DYNC2LI1: variants seen among roughly 807,000 people sequenced by gnomAD.
DYNC2LI1 encodes the protein dynein cytoplasmic 2 light intermediate chain 1, also known as cytoplasmic dynein 2 light intermediate chain 1.
A neutral mutation model predicts 51.9 loss-of-function variants in DYNC2LI1; 45 were observed. The ratio of observed to expected loss-of-function variants is 0.87; its 90% CI spans 0.68 to 1.11. The LOEUF (loss-of-function observed/expected upper bound fraction) is 1.11. Ranked by LOEUF, DYNC2LI1 falls within the 50% of genes most tolerant of loss-of-function variation. The pLI is 0.00. For missense variants in DYNC2LI1, 490 were observed against 417.4 expected (o/e 1.17, Z -1.51); for synonymous variants, 130 against 137.8 (o/e 0.94, Z 0.40).
Position 43,801,533 on chromosome 2 carries a change from G to A in DYNC2LI1, c.732-106G>A, listed in dbSNP as rs984032998. On this transcript the variant is annotated intron_variant, in intron 9 of 12. Coordinates refer to ENST00000260605, the MANE Select transcript of DYNC2LI1 (RefSeq NM_016008.4). ...CATTCGGGGCAATGCTCTCATTAGT[G>A]GCTAAATGTAAAACTAGCCGATAAT... 67 of 732,064 alleles carry A rather than the reference G, an allele frequency of 9.2e-5. 1 individual carries two copies. The Admixed American group carries it at 9.6e-4, about 10-fold the overall frequency. The allele number at this position is 732,064 out of a possible 1,614,324, so 45.3% of individuals were successfully genotyped here.
chr2:43,813,709 G>GGT (rs1666623066), downstream of DYNC2LI1, among the ~76,000 whole-genome samples: 3 of 34,064 alleles, frequency 8.8e-5, no homozygotes, highest in Non-Finnish European at 1.6e-4. Context: ...TTTTTTTTTC[G>GGT]TTTTTTTTTT....
At chr2:43,796,466 A>G (rs923239506) in intron 7 of DYNC2LI1, among the ~76,000 whole-genome samples, 1 of 152,226 alleles carries the variant, frequency 6.6e-6, no homozygotes, top group East Asian at 1.9e-4. Flanking sequence ...ATTCCACACT[A>G]TGAAATGTGT....
intron 6 of DYNC2LI1, chr2:43,794,934 C>A: frequency 7.6e-7 from 1 of 1,310,094 alleles, no homozygotes; most frequent in Non-Finnish European, 9.7e-7. Context: ...TTTATAATCT[C>A]TGTAAAAATG....
chr2:43,825,049 G>A, the DYNC2LI1 span: 1 of 1,611,400 alleles, frequency 6.2e-7, no homozygotes, highest in South Asian at 1.1e-5. Context: ...GTTAGTGTGT[G>A]ATCACAAGGG....
chr2:43,821,678 C>A, the DYNC2LI1 span, among the ~76,000 whole-genome samples: 7 of 152,140 alleles, frequency 4.6e-5, no homozygotes, highest in Non-Finnish European at 7.4e-5. Context: ...CCTCAGCTGG[C>A]CCCTGGACCC....
intron 1 of DYNC2LI1, among the ~76,000 whole-genome samples, chr2:43,775,369 C>T (rs1372326829): frequency 6.6e-6 from 1 of 152,252 alleles, no homozygotes; most frequent in African/African-American, 2.4e-5. Flanking sequence ...ATTCCATTTT[C>T]ACTTAGGCTT....
intron 3 of DYNC2LI1, among the ~76,000 whole-genome samples, chr2:43,784,578 G>A (rs1294622583): frequency 6.6e-6 from 1 of 152,040 alleles, no homozygotes; most frequent in Non-Finnish European, 1.5e-5. Flanking sequence ...GGGATTACAG[G>A]CATGTGCCAC....
the DYNC2LI1 span, among the ~76,000 whole-genome samples, chr2:43,822,041 T>C: frequency 1.3e-5 from 2 of 152,166 alleles, no homozygotes; most frequent in Non-Finnish European, 2.9e-5. Context: ...CAATCTGATG[T>C]TTTTTGATGG....
rs1666423038 is a variant in DYNC2LI1, at chr2:43,809,984, A to G, written c.*217A>G. ...ACCACGTGTAATTTTTTTTAAAATA[A>G]AAGAATCTTCTACTACCTACCTCTA... On this transcript the variant is annotated 3_prime_UTR_variant, in exon 13 of 13. Transcript: ENST00000260605. 8.0e-7 allele frequency: 1 copy of G among 1,243,720 alleles called. No individual in the cohort carries two copies. Among genetic ancestry groups the G allele is most frequent in the Non-Finnish European group, 1.0e-6 (1 of 972,146 alleles). The allele number at this position is 1,243,720 out of a possible 1,614,324, so 77.0% of individuals were successfully genotyped here. A position where few individuals can be genotyped will look rare whatever the true frequency, so the allele number is the denominator to read the frequency against.
At chr2:43,787,104 A>G in intron 3 of DYNC2LI1, 77 bp from the exon 4 acceptor site, 3 of 1,196,758 alleles carry the variant, frequency 2.5e-6, no homozygotes, top group Non-Finnish European at 3.6e-6. Flanking sequence ...GAGGAAGGAA[A>G]AATGAATCAG....
At chr2:43,775,841 C>G (rs1305577898) in intron 1 of DYNC2LI1, 1 of 196,040 alleles carries the variant, frequency 5.1e-6, no homozygotes, top group African/African-American at 2.8e-5. Flanking sequence ...ACACCCGCCA[C>G]CACACCTGGC....
intron 2 of DYNC2LI1, among the ~76,000 whole-genome samples, chr2:43,782,255 C>G (rs1462904755): frequency 6.6e-6 from 1 of 151,920 alleles, no homozygotes; most frequent in Non-Finnish European, 1.5e-5. Context: ...AATAAACATC[C>G]TTCAATAATA....
chr2:43,810,557 A>T, downstream of DYNC2LI1: 1 of 973,332 alleles, frequency 1.0e-6, no homozygotes, highest in South Asian at 4.8e-5. Flanking sequence ...AAAATGATTT[A>T]TTCTATGTTC....
At chr2:43,812,766 G>T, downstream of DYNC2LI1, 1 of 249,398 alleles carries the variant, frequency 4.0e-6, no homozygotes, top group South Asian at 5.9e-5. Flanking sequence ...TTTATCCAAT[G>T]TAAACATATT....
intron 11 of DYNC2LI1, 108 bp from the exon 12 acceptor site, chr2:43,805,045 GA>G: frequency 2.9e-6 from 2 of 696,802 alleles, no homozygotes; most frequent in South Asian, 4.0e-5. Context: ...AAAGATCATA[GA>G]GAGCCTTTGT....
the DYNC2LI1 span, chr2:43,825,038 A>C: frequency 6.2e-7 from 1 of 1,612,740 alleles, no homozygotes; most frequent in Non-Finnish European, 8.5e-7. Context: ...CAACAGACGT[A>C]GTTAGTGTGT....
At chr2:43,793,789 G>A (rs1433467749) in intron 5 of DYNC2LI1, 1 of 152,084 alleles carries the variant, frequency 6.6e-6, no homozygotes. Flanking sequence ...GCCGAGTCTA[G>A]GTTTATGTTT....
downstream of DYNC2LI1, among the ~76,000 whole-genome samples, chr2:43,810,922 C>G (rs1666459070): frequency 6.6e-6 from 1 of 152,204 alleles, no homozygotes; most frequent in South Asian, 2.1e-4. Flanking sequence ...GATTTTCTTA[C>G]ACATCACTGT....
intron 9 of DYNC2LI1, 22 bp downstream of exon 9, chr2:43,800,939 T>A: frequency 6.7e-7 from 1 of 1,493,314 alleles, no homozygotes; most frequent in Non-Finnish European, 9.3e-7. Context: ...ATATTTTTTA[T>A]ATCATTTATT....
Sources: gnomAD v4.1 joint callset for allele counts (sites outside exome capture counted in the v4.1 genomes callset) on GRCh38, gnomAD v4.1.1 for gene constraint, MANE v1.5 for transcripts, NCBI Gene and HGNC (gene_info 2026-07-23, HGNC 2026-07-21) for gene names.